PRLR: variants seen among roughly 807,000 people sequenced by gnomAD.
PRLR encodes the protein hPRL receptor.
A neutral mutation model predicts 40.2 loss-of-function variants in PRLR; 13 were observed. The ratio of observed to expected loss-of-function variants is 0.32; its 90% CI spans 0.21 to 0.51. The LOEUF (loss-of-function observed/expected upper bound fraction) is 0.51, where lower values mean the gene tolerates loss of function less well. PRLR is among the 20% of genes least tolerant of loss of function. The pLI is 0.97. For synonymous variants in PRLR, 269 were observed against 278.7 expected, an observed-to-expected ratio of 0.97 and a Z score of 0.35; for missense variants, 656 against 747.3, an observed-to-expected ratio of 0.88 and a Z score of 1.42.
intron 5 of PRLR, among the ~76,000 whole-genome samples, chr5:35,074,522 T>C (rs1250189107): frequency 2.0e-5 from 3 of 149,096 alleles, no homozygotes; most frequent in Non-Finnish European, 4.4e-5. Flanking sequence ...TATATATATA[T>C]ATATGAAATA....
At chr5:35,136,624 A>G (rs1441240697) in intron 1 of PRLR, among the ~76,000 whole-genome samples, 4 of 152,172 alleles carry the variant, frequency 2.6e-5, no homozygotes, top group East Asian at 3.9e-4. Context: ...AGAGGTCCTC[A>G]GATCTGGTTT....
At chr5:35,134,549 C>G (rs1773791190) in intron 1 of PRLR, among the ~76,000 whole-genome samples, 1 of 152,226 alleles carries the variant, frequency 6.6e-6, no homozygotes, top group African/African-American at 2.4e-5. Context: ...TGCTTGACTA[C>G]ACGATGCCAA....
chr5:35,049,193 A>C (rs1407780383), exon 9 of PRLR: 3 of 701,122 alleles, frequency 4.3e-6, no homozygotes, highest in Non-Finnish European at 7.8e-6. Flanking sequence ...GCCAGTGGAC[A>C]CACAGCATCT....
intron 5 of PRLR, among the ~76,000 whole-genome samples, chr5:35,073,508 C>T (rs1579580207): frequency 6.6e-6 from 1 of 152,202 alleles, no homozygotes; most frequent in East Asian, 1.9e-4. Flanking sequence ...CCAGCAACTC[C>T]ATGAAGTACT....
intron 1 of PRLR, among the ~76,000 whole-genome samples, chr5:35,194,686 C>T (rs1391751934): frequency 1.3e-5 from 2 of 152,148 alleles, no homozygotes. Context: ...CTACATTCTG[C>T]ATGATTCTGA....
chr5:35,075,238 T>G (rs7734225), intron 5 of PRLR, among the ~76,000 whole-genome samples: 15,711 of 152,022 alleles, frequency 0.1, 1,329 homozygotes, highest in African/African-American at 0.23. Context: ...GCAGGGCAGG[T>G]CATTGTCTCA....
At chr5:35,070,361 T>G in intron 6 of PRLR, 96 bp from the exon 7 acceptor site, 1 of 1,331,558 alleles carries the variant, frequency 7.5e-7, no homozygotes, top group East Asian at 2.4e-5. Context: ...GGCTGAACAA[T>G]CATATACAGA....
chr5:35,108,253 C>G (rs1013200401), intron 2 of PRLR, among the ~76,000 whole-genome samples: 11 of 152,068 alleles, frequency 7.2e-5, no homozygotes, highest in African/African-American at 2.2e-4. Context: ...TATGACAAAC[C>G]CACAGCCAAT....
rs1769153377 is a variant in PRLR, at chr5:35,063,316, T to C, written c.*1773A>G. The C allele has an allele frequency of 6.6e-6, 1 of 152,192 alleles. No individual in the cohort carries two copies. The highest frequency in any genetic ancestry group is 1.5e-5 in the Non-Finnish European group (1 of 68,034). 9.4% of individuals were successfully genotyped at this position (152,192 alleles called of 1,614,324 possible). A position where few individuals can be genotyped will look rare whatever the true frequency, so the allele number is the denominator to read the frequency against. On this transcript the variant is annotated 3_prime_UTR_variant, in exon 10 of 10. Coordinates refer to ENST00000618457, the MANE Select transcript of PRLR (RefSeq NM_000949.7). ...CCTCTGAGTCCAGTTGCTATCAATA[T>C]GGGATAGTTGGGGTGGAATATTTAA...
intron 8 of PRLR, among the ~76,000 whole-genome samples, 187 bp from the exon 9 acceptor site, chr5:35,068,472 G>A (rs757331310): frequency 7.9e-5 from 12 of 152,130 alleles, no homozygotes; most frequent in Non-Finnish European, 1.5e-4. Context: ...AGCTAATTAA[G>A]GAGGCTGATT....
At chr5:35,201,696 G>GTTCTC (rs36229648) in intron 1 of PRLR, among the ~76,000 whole-genome samples, 4 of 151,028 alleles carry the variant, frequency 2.6e-5, no homozygotes, top group Non-Finnish European at 4.4e-5. Flanking sequence ...GATACTTTTA[G>GTTCTC]TTCTCTTCTC....
At chr5:35,176,621 C>A (rs1041075290) in intron 1 of PRLR, among the ~76,000 whole-genome samples, 1 of 139,998 alleles carries the variant, frequency 7.1e-6, no homozygotes, top group Non-Finnish European at 1.6e-5. Context: ...GAAGGCAGCA[C>A]GCTCCTTAAG....
intron 5 of PRLR, among the ~76,000 whole-genome samples, chr5:35,082,914 T>C (rs1019508151): frequency 6.6e-6 from 1 of 152,224 alleles, no homozygotes; most frequent in Admixed American, 6.5e-5. Context: ...GAATTTCATA[T>C]ACACTTGTTG....
intron 1 of PRLR, among the ~76,000 whole-genome samples, chr5:35,205,710 G>C (rs1419682225): frequency 6.6e-6 from 1 of 152,108 alleles, no homozygotes; most frequent in African/African-American, 2.4e-5. Flanking sequence ...GACTTTTTAT[G>C]TTCTCTATTT....
intron 1 of PRLR, among the ~76,000 whole-genome samples, chr5:35,202,997 T>C (rs112204391): frequency 0.011 from 1,697 of 152,276 alleles, 38 homozygotes; most frequent in African/African-American, 0.039. Flanking sequence ...AGCCCCCCAT[T>C]GGCCTTGTTC....
At chr5:35,112,862 G>A (rs74711545) in intron 2 of PRLR, among the ~76,000 whole-genome samples, 4,728 of 152,006 alleles carry the variant, frequency 0.031, 250 homozygotes, top group African/African-American at 0.11. Context: ...CTTCCCTCAG[G>A]AGCCCTTTCT....
intron 1 of PRLR, among the ~76,000 whole-genome samples, chr5:35,125,286 G>C (rs1773422822): frequency 1.3e-5 from 2 of 152,180 alleles, no homozygotes; most frequent in Non-Finnish European, 2.9e-5. Flanking sequence ...TGATGGGTTG[G>C]ACATGGGGAT....
intron 2 of PRLR, among the ~76,000 whole-genome samples, chr5:35,101,136 TCCAGAAC>T (rs1315019142): frequency 6.6e-6 from 1 of 152,150 alleles, no homozygotes; most frequent in African/African-American, 2.4e-5. Context: ...TCATCAAAGT[TCCAGAAC>T]AATCTCAGTT....
chr5:35,170,258 C>A (rs1428513867), intron 1 of PRLR, among the ~76,000 whole-genome samples: 1 of 152,110 alleles, frequency 6.6e-6, no homozygotes, highest in Non-Finnish European at 1.5e-5. Flanking sequence ...ACTGATCCTG[C>A]TGGTGGAAAT....
Sources: gnomAD v4.1 joint callset for allele counts (sites outside exome capture counted in the v4.1 genomes callset) on GRCh38, gnomAD v4.1.1 for gene constraint, MANE v1.5 for transcripts, NCBI Gene and HGNC (gene_info 2026-07-23, HGNC 2026-07-21) for gene names.